PTER: variants seen among roughly 807,000 people sequenced by gnomAD.
PTER encodes phosphotriesterase related.
A neutral mutation model predicts 29.6 loss-of-function variants in PTER; 38 were observed. The observed-to-expected ratio is 1.28, with a 90% CI of 0.99 to 1.68. PTER has a LOEUF of 1.68. PTER is among the 40% of genes most tolerant of loss of function. The pLI, the probability that PTER is intolerant of heterozygous loss-of-function variation, is 0.00. For missense variants in PTER, 482 were observed against 427.8 expected, an observed-to-expected ratio of 1.13 and a Z score of -1.12; for synonymous variants, 172 against 154.5, an observed-to-expected ratio of 1.11 and a Z score of -0.84.
intron 1 of PTER, among the ~76,000 whole-genome samples, chr10:16,439,519 T>G (rs1345341686): frequency 6.6e-6 from 1 of 152,100 alleles, no homozygotes; most frequent in East Asian, 1.9e-4. Flanking sequence ...TTAAGTTGAG[T>G]AAGCAGCCCT....
intron 1 of PTER, among the ~76,000 whole-genome samples, chr10:16,471,594 C>T (rs1489228009): frequency 1.3e-5 from 2 of 152,144 alleles, no homozygotes; most frequent in African/African-American, 2.4e-5. Flanking sequence ...ATTTAAAATA[C>T]TTAAACTAGT....
At chr10:16,492,459 C>T (rs763719130) in intron 3 of PTER, among the ~76,000 whole-genome samples, 8 of 151,894 alleles carry the variant, frequency 5.3e-5, no homozygotes, top group East Asian at 1.9e-4. Flanking sequence ...AGGCTAGATG[C>T]GATTAAAAAA....
chr10:16,460,073 T>C (rs1318033107), intron 1 of PTER, among the ~76,000 whole-genome samples: 3 of 152,180 alleles, frequency 2.0e-5, no homozygotes, highest in Non-Finnish European at 4.4e-5. Context: ...TACCCCTTCT[T>C]GCAATGACCA....
At chr10:16,457,575 A>G (rs917396668) in intron 1 of PTER, among the ~76,000 whole-genome samples, 12 of 151,548 alleles carry the variant, frequency 7.9e-5, no homozygotes, top group Admixed American at 5.9e-4. Flanking sequence ...TCTCACCGCT[A>G]TGTAATGCCA....
chr10:16,511,104 C>T lies in PTER; in HGVS notation c.898C>T (p.His300Tyr), dbSNP rs371118200. 1.2e-6 allele frequency: 2 copies of T among 1,614,076 alleles called. No individual in the cohort carries two copies. The highest frequency in any genetic ancestry group is 1.7e-6 in the Non-Finnish European group (2 of 1,179,986). The change falls in exon 5 of 5, where the codon CAT becomes TAT. Residue 300 changes from histidine to tyrosine, a missense_variant. By Grantham distance (83) the His-to-Tyr change is moderately conservative. Coordinates refer to ENST00000535784, the MANE Select transcript of PTER (RefSeq NM_001261836.2). Reference protein sequence around the residue: ...EDRILVAHDIHTKTRLMKYGG... With the variant: ...EDRILVAHDIYTKTRLMKYGG... ...TCGAATTCTGGTAGCACATGACATA[C>T]ATACGAAAACCCGGCTGATGAAATA...
rs199711479 is a variant in PTER at position 16,444,004 on chromosome 10, CT to C, written c.-49+6973del. On this transcript the variant is annotated intron_variant, in intron 1 of 4. Transcript: ENST00000535784. Reference sequence around the variant, plus strand: ...GAGCCTAGGAAGCTAAAAACTTTTTCTTTTTTTTTTTTTTTTGAGATGGAGT... The same window carrying C: ...GAGCCTAGGAAGCTAAAAACTTTTTCTTTTTTTTTTTTTTTGAGATGGAGT... Among the ~76,000 whole-genome samples, 264 of 136,762 alleles carry C rather than the reference CT, an allele frequency of 1.9e-3. No homozygotes were observed. In the Middle Eastern group the frequency reaches 0.023, roughly 12 times the overall value. 89.7% of individuals were successfully genotyped at this position (136,762 alleles called of 152,430 possible). A position where few individuals can be genotyped will look rare whatever the true frequency, so the allele number is the denominator to read the frequency against.
At chr10:16,452,065 A>G (rs144182017) in intron 1 of PTER, among the ~76,000 whole-genome samples, 5 of 152,252 alleles carry the variant, frequency 3.3e-5, no homozygotes, top group Non-Finnish European at 7.4e-5. Context: ...AATAATATCT[A>G]TGAAATCACA....
intron 1 of PTER, among the ~76,000 whole-genome samples, chr10:16,462,937 T>TA (rs1184499185): frequency 6.7e-6 from 1 of 148,666 alleles, no homozygotes; most frequent in Non-Finnish European, 1.5e-5. Flanking sequence ...GTCACGCCTG[T>TA]AACCCCAGCA....
chr10:16,488,971 T>C (rs111271068), intron 3 of PTER, among the ~76,000 whole-genome samples: 2,792 of 152,278 alleles, frequency 0.018, 83 homozygotes, highest in African/African-American at 0.063. Flanking sequence ...TACCTTTCAT[T>C]GTTTCTGAAA....
chr10:16,452,872 C>T (rs141303921), intron 1 of PTER, among the ~76,000 whole-genome samples: 2,718 of 152,250 alleles, frequency 0.018, 90 homozygotes, highest in African/African-American at 0.063. Context: ...CCTGCCTCAG[C>T]CTCCCAAGTG....
intron 4 of PTER, among the ~76,000 whole-genome samples, chr10:16,509,811 G>T (rs1210855018): frequency 6.6e-6 from 1 of 152,134 alleles, no homozygotes; most frequent in Non-Finnish European, 1.5e-5. Flanking sequence ...GACAGGCATG[G>T]TTCTTCTCTG....
Position 16,484,783 on chromosome 10 carries a change from C to T in PTER, c.399C>T (p.His133=), listed in dbSNP as rs1255899544. The change falls in exon 2 of 5, where the codon CAC becomes CAT. Residue 133 remains histidine, a synonymous_variant. Transcript: ENST00000535784. ...SGAGFYVDAT[H]SSETRAMSVE... The stretch of plus-strand genomic sequence containing the variant: ...CCGGGTTTTATGTGGATGCAACTCA[C>T]TCCTCAGAGACCAGGGCCATGTCAG... 13 of 1,612,390 alleles carry T rather than the reference C, an allele frequency of 8.1e-6. No homozygotes were observed. The highest frequency in any genetic ancestry group is 1.3e-5 in the African/African-American group (1 of 74,818).
chr10:16,465,193 C>T (rs942542279), intron 1 of PTER, among the ~76,000 whole-genome samples: 3 of 152,066 alleles, frequency 2.0e-5, no homozygotes, highest in Non-Finnish European at 2.9e-5. Context: ...TGCTTTGTAT[C>T]GTAAGTATCC....
chr10:16,474,348 G>T (rs569384752), intron 1 of PTER, among the ~76,000 whole-genome samples: 14 of 152,224 alleles, frequency 9.2e-5, no homozygotes, highest in Admixed American at 4.6e-4. Flanking sequence ...ACATAATTTT[G>T]TCAGAAAAAT....
chr10:16,506,930 G>A (rs1032780694), intron 4 of PTER, among the ~76,000 whole-genome samples: 3 of 151,998 alleles, frequency 2.0e-5, no homozygotes, highest in East Asian at 1.9e-4. Context: ...CAATGCACAC[G>A]ATTTGGTGAT....
chr10:16,457,761 G>A (rs1297133471), intron 1 of PTER, among the ~76,000 whole-genome samples: 1 of 151,662 alleles, frequency 6.6e-6, no homozygotes, highest in Non-Finnish European at 1.5e-5. Flanking sequence ...CACCACACCT[G>A]TAGTGTGGTG....
intron 1 of PTER, among the ~76,000 whole-genome samples, chr10:16,461,006 C>G (rs75129327): frequency 3.9e-5 from 6 of 152,050 alleles, no homozygotes; most frequent in African/African-American, 1.2e-4. Flanking sequence ...CATGAGCCAC[C>G]GCACCTGGCC....
chr10:16,480,254 A>G (rs1424873728), intron 1 of PTER, among the ~76,000 whole-genome samples: 1 of 150,026 alleles, frequency 6.7e-6, no homozygotes, highest in East Asian at 2.0e-4. Context: ...CAGTGGCGCA[A>G]TCTTGACTCA....
intron 1 of PTER, among the ~76,000 whole-genome samples, chr10:16,478,980 C>T (rs1835379990): frequency 6.6e-6 from 1 of 152,114 alleles, no homozygotes. Flanking sequence ...CTGCAAAGGC[C>T]TTTTCCCAGC....
Sources: allele counts gnomAD v4.1 joint callset (sites outside exome capture counted in the v4.1 genomes callset), GRCh38; gene constraint gnomAD v4.1.1; transcripts MANE v1.5; gene names NCBI Gene and HGNC (gene_info 2026-07-23, HGNC 2026-07-21).